The following VWC2 variants were observed in gnomAD, a reference collection of about 807,000 sequenced individuals.
VWC2 encodes the protein von Willebrand factor C domain containing 2.
Under a neutral mutation model 29.8 loss-of-function variants are expected in VWC2, and 14 were observed. The observed-to-expected ratio is 0.47, with a 90% confidence interval of 0.31 to 0.74. VWC2 has a LOEUF of 0.74. Ranked by LOEUF, VWC2 falls within the 30% of genes least tolerant of loss-of-function variation. VWC2 has a pLI of 0.05. For missense variants in VWC2, 457 were observed against 459.8 expected, an observed-to-expected ratio of 0.99 and a Z score of 0.05; for synonymous variants, 213 against 199.0, an observed-to-expected ratio of 1.07 and a Z score of -0.59.
At chr7:49,872,821 C>A (rs546075961) in intron 3 of VWC2, among the ~76,000 whole-genome samples, 10 of 131,340 alleles carry the variant, frequency 7.6e-5, no homozygotes, top group Admixed American at 2.6e-4. Flanking sequence ...GATGTTGAAA[C>A]AGGAGAATCG....
chr7:49,802,361 T>C (rs1357501779), intron 2 of VWC2, among the ~76,000 whole-genome samples: 1 of 152,150 alleles, frequency 6.6e-6, no homozygotes, highest in Non-Finnish European at 1.5e-5. Flanking sequence ...TATGACCCTG[T>C]AGGGCCAGGC....
rs1364950585 is a variant in VWC2, at chr7:49,914,969, G to A, written c.*2784G>A. On this transcript the variant is annotated 3_prime_UTR_variant, in exon 4 of 4. Transcript: ENST00000340652. ...TTTGTTCAAGTTAATAAACTAAATC[G>A]TGCTTACAAATGTATTAATGAATTT... 6 of 152,144 alleles carry A rather than the reference G, an allele frequency of 3.9e-5. No individual in the cohort carries two copies. The highest frequency in any genetic ancestry group is 6.6e-5 in the Admixed American group (1 of 15,254). The allele number at this position is 152,144 out of a possible 1,614,324, so 9.4% of individuals were successfully genotyped here. A position where few individuals can be genotyped will look rare whatever the true frequency, so the allele number is the denominator to read the frequency against.
chr7:49,829,175 A>C (rs554024600), intron 3 of VWC2, among the ~76,000 whole-genome samples: 1 of 152,188 alleles, frequency 6.6e-6, no homozygotes, highest in African/African-American at 2.4e-5. Context: ...CTGTTAATAC[A>C]CTATATTTTA....
chr7:49,831,699 T>A (rs938052973), intron 3 of VWC2, among the ~76,000 whole-genome samples: 9 of 152,156 alleles, frequency 5.9e-5, no homozygotes, highest in African/African-American at 2.2e-4. Flanking sequence ...AGTTCCTGAC[T>A]CTGGCAGTGA....
At chr7:49,785,099 G>A (rs1281023907) in intron 2 of VWC2, among the ~76,000 whole-genome samples, 1 of 152,174 alleles carries the variant, frequency 6.6e-6, no homozygotes, top group African/African-American at 2.4e-5. Context: ...ATCAGATAAA[G>A]CTTGTTTAAG....
intron 3 of VWC2, among the ~76,000 whole-genome samples, chr7:49,855,843 C>T (rs1052342477): frequency 6.6e-6 from 1 of 152,124 alleles, no homozygotes; most frequent in Non-Finnish European, 1.5e-5. Flanking sequence ...TCCCAGAGCA[C>T]CTGGCTCCCC....
At chr7:49,804,256 A>G (rs1788818584) in intron 3 of VWC2, among the ~76,000 whole-genome samples, 1 of 151,962 alleles carries the variant, frequency 6.6e-6, no homozygotes. Flanking sequence ...ATTACCACTA[A>G]TTAACACTAA....
chr7:49,792,165 G>C (rs1788474222), intron 2 of VWC2, among the ~76,000 whole-genome samples: 1 of 152,184 alleles, frequency 6.6e-6, no homozygotes, highest in South Asian at 2.1e-4. Flanking sequence ...TTGAATTTTA[G>C]TATCCGAGTT....
At chr7:49,851,477 T>A (rs1790176554) in intron 3 of VWC2, among the ~76,000 whole-genome samples, 1 of 152,190 alleles carries the variant, frequency 6.6e-6, no homozygotes, top group Admixed American at 6.5e-5. Flanking sequence ...CGCAATGTTA[T>A]ATTGAAAGTG....
chr7:49,810,543 T>C (rs1363793911), intron 3 of VWC2, among the ~76,000 whole-genome samples: 4 of 152,134 alleles, frequency 2.6e-5, no homozygotes, highest in African/African-American at 9.6e-5. Flanking sequence ...GATCCTATAA[T>C]TCATGCAGAA....
intron 2 of VWC2, among the ~76,000 whole-genome samples, chr7:49,792,296 A>G (rs1486656060): frequency 6.6e-6 from 1 of 152,104 alleles, no homozygotes; most frequent in African/African-American, 2.4e-5. Flanking sequence ...AACCATCCTC[A>G]TTTTACAGAT....
At chr7:49,795,794 C>G (rs891300024) in intron 2 of VWC2, among the ~76,000 whole-genome samples, 1 of 152,118 alleles carries the variant, frequency 6.6e-6, no homozygotes, top group Non-Finnish European at 1.5e-5. Context: ...TTGCACTGGC[C>G]CAGTTACTGT....
chr7:49,787,046 A>C (rs1339553315), intron 2 of VWC2, among the ~76,000 whole-genome samples: 1 of 152,112 alleles, frequency 6.6e-6, no homozygotes, highest in Admixed American at 6.5e-5. Context: ...GTAGGTGAAC[A>C]CTTCAGAGGC....
intron 3 of VWC2, among the ~76,000 whole-genome samples, chr7:49,806,719 GGTGT>G (rs377443879): frequency 1.3e-5 from 2 of 150,888 alleles, no homozygotes; most frequent in East Asian, 1.9e-4. Context: ...AAAACGGAAT[GGTGT>G]GTGTGTGTGT....
In VWC2 at chr7:49,915,649, CATT is replaced by C. The variant is rs1209294659; in HGVS notation, c.*3468_*3470del. 1.3e-5 allele frequency: 2 copies of C among 151,872 alleles called. No individual in the cohort carries two copies. The highest frequency in any genetic ancestry group is 2.9e-5 in the Non-Finnish European group (2 of 67,956). The allele number at this position is 151,872 out of a possible 1,614,324, so 9.4% of individuals were successfully genotyped here. A position where few individuals can be genotyped will look rare whatever the true frequency, so the allele number is the denominator to read the frequency against. On this transcript the variant is annotated 3_prime_UTR_variant, in exon 4 of 4. Transcript: ENST00000340652. Reference sequence around the variant, plus strand: ...AACAAGCATTGTTGGAAACTAAATCCATTATTTTAAATGTGGACTATTTAAACA... The same window carrying C: ...AACAAGCATTGTTGGAAACTAAATCCATTTTAAATGTGGACTATTTAAACA...
intron 3 of VWC2, among the ~76,000 whole-genome samples, chr7:49,877,002 A>G (rs533490756): frequency 7.0e-4 from 107 of 152,234 alleles, no homozygotes; most frequent in Non-Finnish European, 1.2e-3. Context: ...TCCTTAGGAC[A>G]GTCTTGGGGT....
intron 3 of VWC2, among the ~76,000 whole-genome samples, chr7:49,812,111 T>C (rs1046492695): frequency 3.3e-5 from 5 of 152,234 alleles, no homozygotes; most frequent in Non-Finnish European, 5.9e-5. Flanking sequence ...AAGGCAAATT[T>C]ATATAGGAAG....
chr7:49,800,848 CA>C (rs1167626390), intron 2 of VWC2, among the ~76,000 whole-genome samples: 15,524 of 63,402 alleles, frequency 0.24, 520 homozygotes, highest in Non-Finnish European at 0.3. Flanking sequence ...GTTATGGTAG[CA>C]AAAAAAAAAA....
At chr7:49,885,783 C>G (rs1032096548) in intron 3 of VWC2, among the ~76,000 whole-genome samples, 1 of 152,146 alleles carries the variant, frequency 6.6e-6, no homozygotes, top group Non-Finnish European at 1.5e-5. Flanking sequence ...CAGGTGCTTG[C>G]GGCCTGGACC....
Sources: gnomAD v4.1 joint callset for allele counts (sites outside exome capture counted in the v4.1 genomes callset) on GRCh38, gnomAD v4.1.1 for gene constraint, MANE v1.5 for transcripts, NCBI Gene and HGNC (gene_info 2026-07-23, HGNC 2026-07-21) for gene names.